KSR2: variants seen among roughly 807,000 people sequenced by gnomAD.
The protein encoded by KSR2 is kinase suppressor of ras 2.
In KSR2, 25 loss-of-function variants were observed where a neutral mutation model predicts 107.8. That is an observed-to-expected ratio of 0.23 (90% CI 0.17 to 0.32). The LOEUF (loss-of-function observed/expected upper bound fraction) is 0.32. Ranked by LOEUF, KSR2 falls within the 10% of genes least tolerant of loss-of-function variation. The pLI is 1.00. For synonymous variants in KSR2, 480 were observed against 507.0 expected (o/e 0.95, Z 0.71); for missense variants, 887 against 1,268.9 (o/e 0.70, Z 4.57).
chr12:117,485,970 C>A (rs1181710077), intron 14 of KSR2, among the ~76,000 whole-genome samples: 1 of 152,202 alleles, frequency 6.6e-6, no homozygotes, highest in Non-Finnish European at 1.5e-5. Flanking sequence ...CATGTCCAAT[C>A]CATCCCAGAG....
chr12:117,499,089 AGACCACTGGTCCT>A (rs1267721011), intron 14 of KSR2, among the ~76,000 whole-genome samples: 1 of 152,258 alleles, frequency 6.6e-6, no homozygotes, highest in African/African-American at 2.4e-5. Flanking sequence ...AAGACCAAAT[AGACCACTGGTCCT>A]GCCCTCTAGG....
chr12:117,771,990 TC>T (rs1366545119), intron 3 of KSR2, among the ~76,000 whole-genome samples: 1 of 133,504 alleles, frequency 7.5e-6, no homozygotes, highest in East Asian at 2.3e-4. Flanking sequence ...ATACACACAT[TC>T]CCCCAAAGAT....
chr12:117,731,379 C>T (rs1237392264), intron 4 of KSR2, among the ~76,000 whole-genome samples: 5 of 142,650 alleles, frequency 3.5e-5, no homozygotes, highest in East Asian at 2.0e-4. Context: ...AAGTGAGGAG[C>T]GTCTCCGCCC....
intron 1 of KSR2, among the ~76,000 whole-genome samples, chr12:117,966,623 G>A (rs2393332): frequency 0.58 from 82,558 of 142,906 alleles, 24,180 homozygotes; most frequent in East Asian, 0.7. Context: ...ACACGCGCAC[G>A]CACACACACA....
intron 4 of KSR2, among the ~76,000 whole-genome samples, chr12:117,727,657 C>T (rs1214917301): frequency 1.3e-5 from 2 of 152,062 alleles, no homozygotes; most frequent in Non-Finnish European, 1.5e-5. Flanking sequence ...CTGGGAGAGG[C>T]AAGGAAGGAT....
intron 4 of KSR2, among the ~76,000 whole-genome samples, chr12:117,705,243 T>G (rs891193232): frequency 8.5e-5 from 13 of 152,150 alleles, no homozygotes; most frequent in Non-Finnish European, 1.2e-4. Context: ...AAGACCATAC[T>G]AGAGAGCAGG....
chr12:117,708,510 T>C (rs1886617824), intron 4 of KSR2, among the ~76,000 whole-genome samples: 1 of 152,206 alleles, frequency 6.6e-6, no homozygotes, highest in Admixed American at 6.5e-5. Flanking sequence ...TAGTAGCTAA[T>C]ACCTAGTGTA....
chr12:117,536,485 A>C (rs1320032895), intron 10 of KSR2, among the ~76,000 whole-genome samples: 1 of 152,218 alleles, frequency 6.6e-6, no homozygotes, highest in Non-Finnish European at 1.5e-5. Context: ...ATATCGTAGA[A>C]GTGCATGAGA....
intron 6 of KSR2, among the ~76,000 whole-genome samples, chr12:117,580,775 C>T (rs1391164444): frequency 6.6e-6 from 1 of 152,128 alleles, no homozygotes; most frequent in Non-Finnish European, 1.5e-5. Flanking sequence ...AGCCTGGGGG[C>T]TGGACGATCT....
chr12:117,741,261 A>T (rs938974623), intron 4 of KSR2, among the ~76,000 whole-genome samples: 3 of 152,058 alleles, frequency 2.0e-5, no homozygotes, highest in African/African-American at 7.2e-5. Context: ...TCACTCCTAT[A>T]ATCCTAGCTA....
chr12:117,806,976 T>C (rs1037525657), intron 3 of KSR2, among the ~76,000 whole-genome samples: 2 of 152,182 alleles, frequency 1.3e-5, no homozygotes, highest in African/African-American at 4.8e-5. Flanking sequence ...GCCCGTCCCC[T>C]GTCAGGATCC....
intron 5 of KSR2, among the ~76,000 whole-genome samples, chr12:117,647,038 G>A (rs1322218535): frequency 1.3e-5 from 2 of 152,128 alleles, no homozygotes; most frequent in Non-Finnish European, 2.9e-5. Context: ...AAGACGGAGA[G>A]GGTGAAAGCC....
At chr12:117,729,425 T>C (rs1053049724) in intron 4 of KSR2, among the ~76,000 whole-genome samples, 2 of 152,080 alleles carry the variant, frequency 1.3e-5, no homozygotes. Flanking sequence ...CTCTAAGAGA[T>C]CTGTCGAAAG....
At chr12:117,535,604 T>TG in intron 10 of KSR2, among the ~76,000 whole-genome samples, 1 of 142,232 alleles carries the variant, frequency 7.0e-6, no homozygotes, top group South Asian at 2.5e-4. Flanking sequence ...TTTCCTGGAG[T>TG]TGTGTGTGTG....
chr12:117,645,774 C>G (rs1268217763), intron 5 of KSR2, among the ~76,000 whole-genome samples: 1 of 152,002 alleles, frequency 6.6e-6, no homozygotes, highest in Non-Finnish European at 1.5e-5. Flanking sequence ...GGTGGAGAAG[C>G]CTCATCAAAA....
intron 17 of KSR2, among the ~76,000 whole-genome samples, chr12:117,472,462 A>G (rs1434697286): frequency 1.3e-5 from 2 of 152,202 alleles, no homozygotes; most frequent in Non-Finnish European, 2.9e-5. Context: ...TTTGAGCACA[A>G]GATTCCCCAA....
chr12:117,465,231 C>T lies in KSR2; in HGVS notation c.*1968G>A, dbSNP rs1216678365. ...TGTTGTGTTGGGATGGGGAGGTGTC[C>T]ATTGACAAGAGCCATCCCCAGCAAC... is the stretch of plus-strand genomic sequence containing the variant. On this transcript the variant is annotated 3_prime_UTR_variant, in exon 20 of 20. Coordinates refer to ENST00000339824, the MANE Select transcript of KSR2 (RefSeq NM_173598.6). 6.6e-6 allele frequency: 1 copy of T among 152,212 alleles called. No homozygotes were observed. Among genetic ancestry groups the T allele is most frequent in the African/African-American group, 2.4e-5 (1 of 41,434 alleles). 9.4% of individuals were successfully genotyped at this position (152,212 alleles called of 1,614,324 possible). A position where few individuals can be genotyped will look rare whatever the true frequency, so the allele number is the denominator to read the frequency against.
rs572349529 is a variant in KSR2, at chr12:117,540,754, G to A, written c.1519-867C>T. 6.9e-4 allele frequency among the ~76,000 whole-genome samples: 105 copies of A among 152,342 alleles called. 1 individual carries two copies. The highest frequency in any genetic ancestry group is 2.5e-3 in the African/African-American group (102 of 41,580). On this transcript the variant is annotated intron_variant, in intron 9 of 19. Coordinates refer to ENST00000339824, the MANE Select transcript of KSR2 (RefSeq NM_173598.6). ...GGACTGCCGGAGCCACCAGAGACTGGGAGAGAGGCATGGAACAGATTGTCC... is the reference window on the plus strand; with the variant it reads ...GGACTGCCGGAGCCACCAGAGACTGAGAGAGAGGCATGGAACAGATTGTCC...
intron 1 of KSR2, among the ~76,000 whole-genome samples, chr12:117,863,089 T>G (rs969906002): frequency 6.6e-6 from 1 of 152,152 alleles, no homozygotes; most frequent in African/African-American, 2.4e-5. Flanking sequence ...CCTCCCTTCT[T>G]TGGCCCACAG....
Sources: allele counts gnomAD v4.1 joint callset (sites outside exome capture counted in the v4.1 genomes callset), GRCh38; gene constraint gnomAD v4.1.1; transcripts MANE v1.5; gene names NCBI Gene and HGNC (gene_info 2026-07-23, HGNC 2026-07-21).